Variants in SLC10A7 observed in about 807,000 individuals in gnomAD.
The protein encoded by SLC10A7 is solute carrier family 10 member 7.
A neutral mutation model predicts 43.2 loss-of-function variants in SLC10A7; 29 were observed. That is an observed-to-expected ratio of 0.67 (90% CI 0.50 to 0.92). The LOEUF (loss-of-function observed/expected upper bound fraction) is 0.92. SLC10A7 is among the 40% of genes least tolerant of loss of function. The pLI, the probability that SLC10A7 is intolerant of heterozygous loss-of-function variation, is 0.00. For synonymous variants in SLC10A7, 152 were observed against 144.8 expected (o/e 1.05, Z -0.35); for missense variants, 295 against 403.2 (o/e 0.73, Z 2.30).
intron 5 of SLC10A7, among the ~76,000 whole-genome samples, chr4:146,422,070 A>G (rs1729002631): frequency 1.3e-5 from 2 of 152,222 alleles, no homozygotes; most frequent in Non-Finnish European, 2.9e-5. Flanking sequence ...GCTGACTTCA[A>G]TGATATATGT....
At chr4:146,318,315 G>A (rs780496077) in intron 6 of SLC10A7, among the ~76,000 whole-genome samples, 4 of 152,032 alleles carry the variant, frequency 2.6e-5, no homozygotes, top group African/African-American at 7.2e-5. Flanking sequence ...AATAGCTCTT[G>A]TTAAGGTCCT....
chr4:146,315,300 T>C (rs962680696), intron 6 of SLC10A7, among the ~76,000 whole-genome samples: 1 of 152,170 alleles, frequency 6.6e-6, no homozygotes, highest in Admixed American at 6.6e-5. Context: ...TTTCAAGTTT[T>C]AGAATCTCTC....
intron 7 of SLC10A7, among the ~76,000 whole-genome samples, chr4:146,296,991 A>T (rs748077765): frequency 2.0e-5 from 3 of 152,104 alleles, no homozygotes; most frequent in Non-Finnish European, 2.9e-5. Context: ...CCTTATATGA[A>T]ACAACACTTT....
chr4:146,334,178 T>A (rs893624715), intron 5 of SLC10A7, among the ~76,000 whole-genome samples: 7 of 152,046 alleles, frequency 4.6e-5, no homozygotes, highest in African/African-American at 1.7e-4. Flanking sequence ...GTTTGAGGTA[T>A]CTGCAAGGCC....
At chr4:146,434,816 C>T (rs1730079697) in intron 5 of SLC10A7, among the ~76,000 whole-genome samples, 1 of 152,176 alleles carries the variant, frequency 6.6e-6, no homozygotes, top group Non-Finnish European at 1.5e-5. Flanking sequence ...CTAGCCTCGG[C>T]CTCCCAAAGT....
In SLC10A7 at chr4:146,356,045, A is replaced by AT. The variant is rs1321358515; in HGVS notation, c.436-30050_436-30049insA. Among the ~76,000 whole-genome samples, 333 of 123,916 alleles carry AT rather than the reference A, an allele frequency of 2.7e-3. 2 individuals are homozygous for AT. Among genetic ancestry groups the AT allele is most frequent in the East Asian group, 0.02 (88 of 4,324 alleles). 81.3% of individuals were successfully genotyped at this position (123,916 alleles called of 152,430 possible). A position where few individuals can be genotyped will look rare whatever the true frequency, so the allele number is the denominator to read the frequency against. The stretch of plus-strand genomic sequence containing the variant: ...CCTAAAACTTAAAGTATAATAAAAA[A>AT]AAAAAAATATATATATATATATACA... On this transcript the variant is annotated intron_variant, in intron 5 of 11. Coordinates refer to ENST00000335472, the MANE Select transcript of SLC10A7 (RefSeq NM_001029998.6).
At chr4:146,489,016 C>T (rs1050291619) in intron 4 of SLC10A7, among the ~76,000 whole-genome samples, 2 of 152,116 alleles carry the variant, frequency 1.3e-5, no homozygotes, top group Non-Finnish European at 2.9e-5. Flanking sequence ...GCACACATTC[C>T]CTGCCATCTA....
chr4:146,338,717 C>T (rs150380352), intron 5 of SLC10A7, among the ~76,000 whole-genome samples: 2 of 152,084 alleles, frequency 1.3e-5, no homozygotes, highest in East Asian at 1.9e-4. Context: ...TCTGATACCA[C>T]ACTGCCTCCT....
At chr4:146,398,926 G>A (rs892247841) in intron 5 of SLC10A7, among the ~76,000 whole-genome samples, 35 of 152,172 alleles carry the variant, frequency 2.3e-4, no homozygotes, top group Admixed American at 2.3e-3. Flanking sequence ...GCAGGAGAAC[G>A]GGAGTGAAAA....
At chr4:146,381,679 C>T (rs1365818628) in intron 5 of SLC10A7, among the ~76,000 whole-genome samples, 1 of 152,086 alleles carries the variant, frequency 6.6e-6, no homozygotes, top group African/African-American at 2.4e-5. Flanking sequence ...GAGGCAAGTT[C>T]TTCTTTTCCC....
At chr4:146,291,722 A>C (rs563141304) in intron 9 of SLC10A7, among the ~76,000 whole-genome samples, 122 of 151,970 alleles carry the variant, frequency 8.0e-4, no homozygotes, top group African/African-American at 2.8e-3. Context: ...CTGCTGAACA[A>C]TTAGCCATTC....
intron 5 of SLC10A7, among the ~76,000 whole-genome samples, chr4:146,363,220 T>A (rs530574484): frequency 6.6e-6 from 1 of 152,240 alleles, no homozygotes; most frequent in South Asian, 2.1e-4. Flanking sequence ...TAACTATACT[T>A]TTATCAGTTA....
intron 6 of SLC10A7, among the ~76,000 whole-genome samples, chr4:146,320,786 A>G (rs1732654644): frequency 6.6e-6 from 1 of 152,052 alleles, no homozygotes; most frequent in African/African-American, 2.4e-5. Flanking sequence ...GATAATTACA[A>G]CAAAGAGGAG....
At chr4:146,322,841 G>A (rs1432215654) in intron 6 of SLC10A7, among the ~76,000 whole-genome samples, 2 of 152,176 alleles carry the variant, frequency 1.3e-5, no homozygotes, top group Non-Finnish European at 2.9e-5. Flanking sequence ...CCCACCAACA[G>A]TGTAAAAATG....
chr4:146,302,281 C>T (rs1451553221), intron 7 of SLC10A7, among the ~76,000 whole-genome samples: 1 of 152,172 alleles, frequency 6.6e-6, no homozygotes, highest in African/African-American at 2.4e-5. Flanking sequence ...CAGGTAGATT[C>T]AGTTATGCCT....
chr4:146,378,791 GCA>G (rs1487017681), intron 5 of SLC10A7, among the ~76,000 whole-genome samples: 5 of 152,302 alleles, frequency 3.3e-5, no homozygotes, highest in East Asian at 3.9e-4. Flanking sequence ...TAATGGGATT[GCA>G]CACAGAGTCC....
rs1328098781 is a variant in SLC10A7 at position 146,255,126 on chromosome 4, G to C, written c.*1365C>G. 6.6e-6 allele frequency: 1 copy of C among 152,428 alleles called. No homozygotes were observed. The highest frequency in any genetic ancestry group is 2.4e-5 in the African/African-American group (1 of 41,448). 9.4% of individuals were successfully genotyped at this position (152,428 alleles called of 1,614,324 possible). On this transcript the variant is annotated 3_prime_UTR_variant, in exon 12 of 12. Transcript: ENST00000335472. ...CAGTGAGACCCAGGATGCCAATATTGTCTATCAAATCAAGAGAGGACGTGT... is the reference window on the plus strand; with the variant it reads ...CAGTGAGACCCAGGATGCCAATATTCTCTATCAAATCAAGAGAGGACGTGT...
chr4:146,428,563 AT>A, intron 5 of SLC10A7, among the ~76,000 whole-genome samples: 1 of 134,678 alleles, frequency 7.4e-6, no homozygotes, highest in Non-Finnish European at 1.6e-5. Context: ...TTTTTTTTTT[AT>A]TTTCTAAGGA....
At chr4:146,266,578 A>T (rs115249154) in intron 10 of SLC10A7, among the ~76,000 whole-genome samples, 9 of 152,344 alleles carry the variant, frequency 5.9e-5, no homozygotes, top group Non-Finnish European at 1.3e-4. Context: ...GTATGAAATG[A>T]TGCCTTGACA....
Sources: allele counts gnomAD v4.1 joint callset (sites outside exome capture counted in the v4.1 genomes callset), GRCh38; gene constraint gnomAD v4.1.1; transcripts MANE v1.5; gene names NCBI Gene and HGNC (gene_info 2026-07-23, HGNC 2026-07-21).